Variants in LCA5 observed in about 807,000 individuals in gnomAD.
LCA5 encodes lebercilin.
LCA5 carries 37 observed loss-of-function variants against 53.0 expected under a neutral mutation model. The ratio of observed to expected loss-of-function variants is 0.70; its 90% CI spans 0.54 to 0.92. The LOEUF is 0.92. LCA5 is among the 40% of genes least tolerant of loss of function. The probability of loss-of-function intolerance (pLI) is 0.00; values close to 1 mark genes in which losing one functional copy is unlikely to be tolerated. For synonymous variants in LCA5, 303 were observed against 282.9 expected (o/e 1.07, Z -0.71); for missense variants, 806 against 790.5 (o/e 1.02, Z -0.23).
At chr6:79,488,050 G>A (rs967532136) in intron 7 of LCA5, 184 bp from the exon 8 acceptor site, 7 of 560,268 alleles carry the variant, frequency 1.2e-5, no homozygotes, top group East Asian at 3.0e-5. Context: ...TATTTAATAC[G>A]TATTGCATTT....
chr6:79,516,679 C>T (rs968450298), intron 2 of LCA5, among the ~76,000 whole-genome samples: 4 of 151,664 alleles, frequency 2.6e-5, no homozygotes, highest in African/African-American at 9.7e-5. Flanking sequence ...TATTTTAAAC[C>T]ATCAAGTGCT....
chr6:79,497,513 T>C (rs1431327964), intron 3 of LCA5, among the ~76,000 whole-genome samples: 1 of 152,134 alleles, frequency 6.6e-6, no homozygotes, highest in Non-Finnish European at 1.5e-5. Flanking sequence ...GGATATTCTA[T>C]TAAATGAAAA....
In LCA5 at chr6:79,486,946, A is replaced by T; in HGVS notation, c.*58T>A. ...TTAAAAAGTCTAAATGTTTATAATA[A>T]ATACTGTATTAAAATATTTCAATAT... On this transcript the variant is annotated 3_prime_UTR_variant, in exon 8 of 8. Transcript: ENST00000369846. 7.4e-7 allele frequency: 1 copy of T among 1,354,130 alleles called. No individual in the cohort carries two copies. The highest frequency in any genetic ancestry group is 1.0e-6 in the Non-Finnish European group (1 of 985,704). The allele number at this position is 1,354,130 out of a possible 1,614,324, so 83.9% of individuals were successfully genotyped here.
rs961378041 is a variant in LCA5 at position 79,500,454 on chromosome 6, C to T, written c.721-6704G>A. Reference sequence around the variant, plus strand: ...ATTATAGATTTAAATAACAATATTGCATTTGTTAAAATAAGTCTATCAATG... The same window carrying T: ...ATTATAGATTTAAATAACAATATTGTATTTGTTAAAATAAGTCTATCAATG... On this transcript the variant is annotated intron_variant, in intron 3 of 7. Transcript: ENST00000369846. 1.3e-4 allele frequency among the ~76,000 whole-genome samples: 20 copies of T among 152,076 alleles called. No individual in the cohort carries two copies. The East Asian group carries it at 3.9e-3, about 29-fold the overall frequency.
rs763139318 is a variant in LCA5, at chr6:79,513,551, A to G, written c.381T>C (p.Ala127=). The change falls in exon 3 of 8, where the codon GCT becomes GCC. Residue 127 remains alanine (A), a synonymous_variant. Transcript: ENST00000369846. The stretch of plus-strand genomic sequence containing the variant: ...AAGATTTATTTTCTTTTAGCAGCTC[A>G]GCTAACTTGACCTGGAGTTCAGATA... The part of the protein sequence containing the change: ...NEVSELQVKL[A]ELLKENKSLK... 4.3e-6 allele frequency: 7 copies of G among 1,613,696 alleles called. No homozygotes were observed. In the African/African-American group the frequency reaches 5.3e-5, roughly 12 times the overall value.
intron 6 of LCA5, 146 bp downstream of exon 6, chr6:79,491,442 A>C: frequency 2.5e-6 from 2 of 791,566 alleles, no homozygotes; most frequent in Non-Finnish European, 4.1e-6. Context: ...AAAATACACG[A>C]TACCTCTTTC....
intron 1 of LCA5, among the ~76,000 whole-genome samples, chr6:79,530,040 G>A (rs1312055078): frequency 2.0e-5 from 3 of 151,676 alleles, no homozygotes; most frequent in Non-Finnish European, 4.4e-5. Context: ...CACCAACATG[G>A]CACACATATA....
intron 4 of LCA5, 137 bp downstream of exon 4, chr6:79,493,476 G>T: frequency 1.2e-6 from 1 of 821,362 alleles, no homozygotes; most frequent in Non-Finnish European, 1.9e-6. Flanking sequence ...CCTTTTCTAA[G>T]TGCTAAAGAT....
chr6:79,488,650 T>C (rs1043072099), intron 7 of LCA5: 5 of 222,098 alleles, frequency 2.3e-5, no homozygotes, highest in African/African-American at 9.2e-5. Context: ...GAAATATACA[T>C]ACAACTATTT....
intron 7 of LCA5, chr6:79,488,665 G>A (rs1353298161): frequency 3.9e-6 from 1 of 254,800 alleles, no homozygotes; most frequent in African/African-American, 2.2e-5. Flanking sequence ...CTATTTAAAG[G>A]TATGGGCATG....
rs763361073 is a variant in LCA5, at chr6:79,518,935, T to A, written c.-41A>T. ...TCTCTATTCACATAATTTCACAGAT[T>A]ATTTTCTCCAGAGGAGACTATGACA... On this transcript the variant is annotated 5_prime_UTR_variant, in exon 2 of 8. Transcript: ENST00000369846. 35 of 1,590,486 alleles carry A rather than the reference T, an allele frequency of 2.2e-5. No individual in the cohort carries two copies. The highest frequency in any genetic ancestry group is 2.9e-5 in the Non-Finnish European group (34 of 1,158,508).
chr6:79,528,842 A>G lies in LCA5; in HGVS notation c.-192+8323T>C, dbSNP rs78163534. Among the ~76,000 whole-genome samples, 663 of 152,334 alleles carry G rather than the reference A, an allele frequency of 4.4e-3. 9 individuals are homozygous for G. Among genetic ancestry groups the G allele is most frequent in the African/African-American group, 0.015 (626 of 41,576 alleles). On this transcript the variant is annotated intron_variant, in intron 1 of 7. Coordinates refer to ENST00000369846, the MANE Select transcript of LCA5 (RefSeq NM_001122769.3). The stretch of plus-strand genomic sequence containing the variant: ...CTTGCACTAGACATAATACTAGCAA[A>G]AAAGTGGGGCATATGTGTTATGCTG...
At chr6:79,530,879 G>A (rs1766938736) in intron 1 of LCA5, among the ~76,000 whole-genome samples, 2 of 151,918 alleles carry the variant, frequency 1.3e-5, no homozygotes, top group African/African-American at 4.8e-5. Context: ...TAAAAAATTA[G>A]ACCAAAAAAA....
Position 79,513,198 on chromosome 6 carries a change from T to C in LCA5, c.720+14A>G, listed in dbSNP as rs772647975. ...ATCCCAAGAAAGTACAATTAGAAGC[T>C]GTAGAAATTGTACCTTAATTCTTCT... On this transcript the variant is annotated intron_variant, in intron 3 of 7. Transcript: ENST00000369846. The C allele has an allele frequency of 8.1e-6, 13 of 1,604,772 alleles. No homozygotes were observed. The South Asian group carries it at 1.2e-4, about 15-fold the overall frequency.
At position 79,487,711 on chromosome 6, in the gene LCA5, T is replaced by C. The variant is rs1769709964; in HGVS notation, c.1387A>G (p.Lys463Glu). The C allele has an allele frequency of 6.2e-7, 1 of 1,613,918 alleles. No individual in the cohort carries two copies. Among genetic ancestry groups the C allele is most frequent in the Non-Finnish European group, 8.5e-7 (1 of 1,179,840 alleles). ...KLQGEEEERLKREMLLAKLNE... is the reference protein window; with the variant it reads ...KLQGEEEERLEREMLLAKLNE... Reference sequence around the variant, plus strand: ...AGTTTAGCAAGTAGCATTTCTCTCTTCAGTCTTTCTTCTTCCTCTCCTTGC... The same window carrying C: ...AGTTTAGCAAGTAGCATTTCTCTCTCCAGTCTTTCTTCTTCCTCTCCTTGC... The change falls in exon 8 of 8, where the codon AAG (lysine) becomes GAG (glutamate). Residue 463 changes from lysine to glutamate, a missense_variant. By Grantham distance (56) the Lys-to-Glu change is moderately conservative. Coordinates refer to ENST00000369846, the MANE Select transcript of LCA5 (RefSeq NM_001122769.3).
rs563646793 is a variant in LCA5, at chr6:79,528,905, C to G, written c.-192+8260G>C. On this transcript the variant is annotated intron_variant, in intron 1 of 7. Coordinates refer to ENST00000369846, the MANE Select transcript of LCA5 (RefSeq NM_001122769.3). ...TGTACTTTCAATCTTAACAATACTG[C>G]CCCAAATGTAACCATCATGAAAACT... Among the ~76,000 whole-genome samples, 12 of 152,242 alleles carry G rather than the reference C, an allele frequency of 7.9e-5. No homozygotes were observed. In the South Asian group the frequency reaches 1.9e-3, roughly 24 times the overall value.
chr6:79,525,328 G>A (rs1036438994), intron 1 of LCA5: 1 of 152,034 alleles, frequency 6.6e-6, no homozygotes, highest in Non-Finnish European at 1.5e-5. Flanking sequence ...AAATCCCCTC[G>A]TTTTAGCAGA....
At chr6:79,510,399 C>T (rs1562104668) in intron 3 of LCA5, among the ~76,000 whole-genome samples, 1 of 152,006 alleles carries the variant, frequency 6.6e-6, no homozygotes, top group East Asian at 1.9e-4. Context: ...AAATCATAAC[C>T]ATTTTATAAA....
At chr6:79,488,011 A>G in intron 7 of LCA5, 145 bp from the exon 8 acceptor site, 1 of 659,908 alleles carries the variant, frequency 1.5e-6, no homozygotes, top group Non-Finnish European at 2.6e-6. Flanking sequence ...TCATTTCTAT[A>G]CTTGATATTC....
Sources: allele counts gnomAD v4.1 joint callset (sites outside exome capture counted in the v4.1 genomes callset), GRCh38; gene constraint gnomAD v4.1.1; transcripts MANE v1.5; gene names NCBI Gene and HGNC (gene_info 2026-07-23, HGNC 2026-07-21).